The following FAM200B variants were observed in gnomAD, a reference collection of about 807,000 sequenced individuals.
FAM200B encodes protein FAM200B.
A neutral mutation model predicts 33.1 loss-of-function variants in FAM200B; 32 were observed. That is an observed-to-expected ratio of 0.97 (90% CI 0.73 to 1.30). The LOEUF (loss-of-function observed/expected upper bound fraction) is 1.30. FAM200B is among the 50% of genes most tolerant of loss of function. The probability of loss-of-function intolerance (pLI) is 0.00; values close to 1 mark genes in which losing one functional copy is unlikely to be tolerated. For missense variants in FAM200B, 741 were observed against 754.0 expected, an observed-to-expected ratio of 0.98 and a Z score of 0.20; for synonymous variants, 240 against 264.8, an observed-to-expected ratio of 0.91 and a Z score of 0.91.
At chr4:15,655,492 G>A in the FAM200B span, 363 of 629,868 alleles carry the variant, frequency 5.8e-4, no homozygotes, top group Middle Eastern at 0.011. Context: ...GGCGCGCGCA[G>A]AGGCTCGCGG....
upstream of FAM200B, chr4:15,681,343 G>A: frequency 6.2e-6 from 1 of 161,940 alleles, no homozygotes. Context: ...CGCGGGCCGG[G>A]AGCGCTTACC....
the FAM200B span, among the ~76,000 whole-genome samples, chr4:15,665,866 C>G: frequency 6.6e-6 from 1 of 152,140 alleles, no homozygotes; most frequent in Non-Finnish European, 1.5e-5. Context: ...GTACCTGCAC[C>G]TGTTCTGACA....
At position 15,688,994 on chromosome 4, in the gene FAM200B, T is replaced by G; in HGVS notation, c.*43T>G. On this transcript the variant is annotated 3_prime_UTR_variant, in exon 2 of 2. Transcript: ENST00000422728. ...TAGCTTTTGTCTTTGTATTTCTTAT[T>G]TTGTAGTATTTTTCTATGTTATATT... The G allele has an allele frequency of 7.5e-7, 1 of 1,340,892 alleles. No individual in the cohort carries two copies. Among genetic ancestry groups the G allele is most frequent in the Non-Finnish European group, 9.7e-7 (1 of 1,026,160 alleles). The allele number at this position is 1,340,892 out of a possible 1,614,324, so 83.1% of individuals were successfully genotyped here.
At chr4:15,638,732 A>G in the FAM200B span, 1 of 1,277,856 alleles carries the variant, frequency 7.8e-7, no homozygotes, top group African/African-American at 1.7e-5. Flanking sequence ...AAGATGCTTC[A>G]TTCGTGTTGA....
the FAM200B span, among the ~76,000 whole-genome samples, chr4:15,676,330 T>C: frequency 1.3e-5 from 2 of 151,802 alleles, no homozygotes; most frequent in African/African-American, 4.8e-5. Flanking sequence ...TTACAGAAAA[T>C]AAACATGATA....
At chr4:15,685,769 C>T (rs1718777478) in intron 1 of FAM200B, among the ~76,000 whole-genome samples, 2 of 152,240 alleles carry the variant, frequency 1.3e-5, no homozygotes, top group Middle Eastern at 6.8e-3. Flanking sequence ...TGTAGGACTG[C>T]ACCCCTCCCA....
the FAM200B span, among the ~76,000 whole-genome samples, chr4:15,669,919 G>C: frequency 9.9e-5 from 15 of 152,204 alleles, no homozygotes; most frequent in East Asian, 2.5e-3. Context: ...TTGTTAAAGG[G>C]GCGGTAATCA....
In FAM200B at chr4:15,687,110, A is replaced by G; in HGVS notation, c.133A>G (p.Thr45Ala). The change falls in exon 2 of 2, where the codon ACT (threonine) becomes GCT (alanine). Residue 45 changes from threonine (T) to alanine (A), a missense_variant. By Grantham distance (58) the Thr-to-Ala change is moderately conservative. Coordinates refer to ENST00000422728, the MANE Select transcript of FAM200B (RefSeq NM_001145191.2). ...IEKNTDSNLQ[T>A]STSFEPHFKK... ...GAAAAATACTGACTCCAATCTGCAAACTTCAACTTCATTTGAGCCACATTT... is the reference window on the plus strand; with the variant it reads ...GAAAAATACTGACTCCAATCTGCAAGCTTCAACTTCATTTGAGCCACATTT... 6.5e-7 allele frequency: 1 copy of G among 1,549,076 alleles called. No homozygotes were observed. Among genetic ancestry groups the G allele is most frequent in the Non-Finnish European group, 8.7e-7 (1 of 1,146,038 alleles).
the FAM200B span, chr4:15,656,116 G>A: frequency 2.6e-5 from 12 of 453,078 alleles, no homozygotes; most frequent in Non-Finnish European, 4.0e-5. Context: ...TAGGCCCGAC[G>A]GGCCTTGGGG....
chr4:15,674,659 T>C, the FAM200B span, among the ~76,000 whole-genome samples: 1 of 151,740 alleles, frequency 6.6e-6, no homozygotes, highest in African/African-American at 2.4e-5. Flanking sequence ...TTTGGGTTTT[T>C]TTTTTTTTGA....
chr4:15,655,325 G>GGAGACA, the FAM200B span: 1 of 1,351,634 alleles, frequency 7.4e-7, no homozygotes, highest in Non-Finnish European at 9.8e-7. Context: ...AGCCGCGGCC[G>GGAGACA]CCGCCTCTCC....
the FAM200B span, among the ~76,000 whole-genome samples, chr4:15,640,003 A>G: frequency 6.6e-6 from 1 of 152,138 alleles, no homozygotes; most frequent in African/African-American, 2.4e-5. Flanking sequence ...ATTCAATGAT[A>G]CCCTAATACA....
At position 15,688,081 on chromosome 4, in the gene FAM200B, A is replaced by G. The variant is rs1719056872; in HGVS notation, c.1104A>G (p.Thr368=). Residue 368 remains threonine, a synonymous_variant, in exon 2 of 2, where the codon ACA becomes ACG. Coordinates refer to ENST00000422728, the MANE Select transcript of FAM200B (RefSeq NM_001145191.2). ...GSSLNSRLLE[T]FCSEIGTNHT... is the part of the protein sequence containing the mutation. ...CATTGAATAGCCGGCTTCTTGAAAC[A>G]TTTTGTTCAGAGATTGGAACTAATC... 1 of 1,551,206 alleles carries G rather than the reference A, an allele frequency of 6.4e-7. No homozygotes were observed. Among genetic ancestry groups the G allele is most frequent in the East Asian group, 2.4e-5 (1 of 40,868 alleles).
chr4:15,639,769 G>C, the FAM200B span, among the ~76,000 whole-genome samples: 1 of 152,140 alleles, frequency 6.6e-6, no homozygotes, highest in Non-Finnish European at 1.5e-5. Context: ...TAACTCTGAT[G>C]TAATTTGTCT....
rs1436275055 is a variant in FAM200B, at chr4:15,687,630, G to A, written c.653G>A (p.Arg218His). 9.7e-6 allele frequency: 15 copies of A among 1,550,856 alleles called. No homozygotes were observed. Among genetic ancestry groups the A allele is most frequent in the Admixed American group, 3.9e-5 (2 of 50,982 alleles). ...CATTTAGAAACAATGCTTATTACTC[G>A]TTTACAGTCTGGTATAGATTTTGCA... ...AEHLETMLIT[R>H]LQSGIDFAIQ... The change falls in exon 2 of 2, where the codon CGT becomes CAT. Residue 218 changes from arginine to histidine, a missense_variant. Arg to His is a conservative substitution (Grantham distance 29, BLOSUM62 0). Transcript: ENST00000422728.
At chr4:15,686,027 C>T (rs770708105) in intron 1 of FAM200B, among the ~76,000 whole-genome samples, 22 of 152,140 alleles carry the variant, frequency 1.4e-4, no homozygotes, top group Non-Finnish European at 3.2e-4. Context: ...CTGGGTTTTA[C>T]TGTCACTATT....
the FAM200B span, among the ~76,000 whole-genome samples, chr4:15,654,506 G>C: frequency 6.6e-6 from 1 of 152,184 alleles, no homozygotes; most frequent in African/African-American, 2.4e-5. Flanking sequence ...AAATCCAAGA[G>C]AGAATTGCTG....
rs753001603 is a variant in FAM200B, at chr4:15,687,359, GAC to G, written c.384_385del (p.Ile129LysfsTer8). 9 of 1,546,258 alleles carry G rather than the reference GAC, an allele frequency of 5.8e-6. No homozygotes were observed. In the South Asian group the frequency reaches 7.2e-5, roughly 12 times the overall value. ...TGAATATTTTCAAAGAAAGAAAAAA[GAC>G]ATAAAGTTATCAACACAATTTCTTA... ...PLEYFQRKKK[D>X]IKLSTQFLSC... is the part of the protein sequence containing the mutation. On this transcript the variant is annotated frameshift_variant, in exon 2 of 2. Coordinates refer to ENST00000422728, the MANE Select transcript of FAM200B (RefSeq NM_001145191.2). LOFTEE classifies it high-confidence loss of function.
chr4:15,654,048 T>G, the FAM200B span, among the ~76,000 whole-genome samples: 1 of 152,216 alleles, frequency 6.6e-6, no homozygotes, highest in Non-Finnish European at 1.5e-5. Flanking sequence ...AGTGCTAAGA[T>G]TTGAAATTCA....
Sources: allele counts gnomAD v4.1 joint callset (sites outside exome capture counted in the v4.1 genomes callset), GRCh38; gene constraint gnomAD v4.1.1; transcripts MANE v1.5; gene names NCBI Gene and HGNC (gene_info 2026-07-23, HGNC 2026-07-21).